Variants in EBF3 observed in about 807,000 individuals in gnomAD.
EBF3 encodes the protein EBF transcription factor 3.
A neutral mutation model predicts 77.1 loss-of-function variants in EBF3; 18 were observed. That is an observed-to-expected ratio of 0.23 (90% CI 0.16 to 0.35). EBF3 has a LOEUF of 0.35. Ranked by LOEUF, EBF3 falls within the 10% of genes least tolerant of loss-of-function variation. The pLI is 1.00. For missense variants in EBF3, 558 were observed against 860.0 expected (o/e 0.65, Z 4.39); for synonymous variants, 350 against 343.5 (o/e 1.02, Z -0.21).
At chr10:129,902,529 T>C (rs1854864659) in intron 6 of EBF3, among the ~76,000 whole-genome samples, 1 of 152,036 alleles carries the variant, frequency 6.6e-6, no homozygotes, top group African/African-American at 2.4e-5. Flanking sequence ...TGGTTCACCA[T>C]AAAACCCAGC....
chr10:129,907,144 A>AGAACATGTAGAACAT (rs1481061410), intron 6 of EBF3, among the ~76,000 whole-genome samples: 1 of 152,226 alleles, frequency 6.6e-6, no homozygotes, highest in African/African-American at 2.4e-5. Flanking sequence ...GCTGACATGT[A>AGAACATGTAGAACAT]GAAGAACAAC....
intron 6 of EBF3, among the ~76,000 whole-genome samples, chr10:129,939,619 G>A (rs1857591633): frequency 6.6e-6 from 1 of 152,192 alleles, no homozygotes; most frequent in Non-Finnish European, 1.5e-5. Context: ...CAACGTCTGC[G>A]TCTCCTCCTA....
chr10:129,926,679 A>C (rs1469832262), intron 6 of EBF3, among the ~76,000 whole-genome samples: 1 of 152,152 alleles, frequency 6.6e-6, no homozygotes, highest in Non-Finnish European at 1.5e-5. Context: ...TACCCAAAAA[A>C]GGTGTGGAAT....
intron 6 of EBF3, among the ~76,000 whole-genome samples, chr10:129,915,553 T>C (rs1409390235): frequency 6.6e-6 from 1 of 151,328 alleles, no homozygotes; most frequent in African/African-American, 2.4e-5. Context: ...AGCCCATTCT[T>C]GCGGGGTGTG....
Position 129,963,681 on chromosome 10 carries a change from A to G in EBF3, c.88T>C (p.Trp30Arg). 1 of 1,519,956 alleles carries G rather than the reference A, an allele frequency of 6.6e-7. No individual in the cohort carries two copies. The highest frequency in any genetic ancestry group is 8.9e-7 in the Non-Finnish European group (1 of 1,127,254). The allele number at this position is 1,519,956 out of a possible 1,614,324, so 94.2% of individuals were successfully genotyped here. Reference sequence around the variant, plus strand: ...TCCACCACGCCCGCCGTGTGCATCCACGAGCGCACCGGGTTCATGCCGCTG... The same window carrying G: ...TCCACCACGCCCGCCGTGTGCATCCGCGAGCGCACCGGGTTCATGCCGCTG... ...LGSGMNPVRS[W>R]MHTAGVVDAN... Residue 30 changes from tryptophan (W) to arginine (R), a missense_variant, in exon 1 of 17, where the codon TGG (tryptophan) becomes CGG (arginine). Trp to Arg is a moderately radical substitution (Grantham distance 101). This residue lies in a region of EBF3 where 64 missense variants were observed against 54.5 expected (regional missense o/e 1.18). Transcript: ENST00000440978. The surrounding 1 kb of genome is among the most constrained non-coding windows in gnomAD (Gnocchi z 7.1).
intron 6 of EBF3, among the ~76,000 whole-genome samples, chr10:129,949,209 G>A (rs912287679): frequency 6.6e-6 from 1 of 152,240 alleles, no homozygotes; most frequent in Non-Finnish European, 1.5e-5. Context: ...GCTGAGGCAG[G>A]AGAATCACTT....
chr10:129,889,946 CTTTTTTTTTTTT>C (rs10665456), intron 6 of EBF3, among the ~76,000 whole-genome samples: 20 of 82,894 alleles, frequency 2.4e-4, no homozygotes, highest in Middle Eastern at 9.1e-3. Context: ...ATTGAAGTGC[CTTTTTTTTTTTT>C]TTTTTTTTTT....
chr10:129,963,583 C>CCGGGT lies in EBF3; in HGVS notation c.134+51_134+52insACCCG. ...GCGCGGCGCCGGCCGGCGGAGGGGGCCGGGCCGGGCCGGGGCCGGGGCCAG... is the reference window on the plus strand; with the variant it reads ...GCGCGGCGCCGGCCGGCGGAGGGGGCCGGGTCGGGCCGGGCCGGGGCCGGGGCCAG... On this transcript the variant is annotated intron_variant, in intron 1 of 16. Coordinates refer to ENST00000440978, the MANE Select transcript of EBF3 (RefSeq NM_001375380.1). The surrounding 1 kb of genome is among the most constrained non-coding windows in gnomAD (Gnocchi z 7.1). The CCGGGT allele has an allele frequency of 8.1e-7, 1 of 1,231,646 alleles. No individual in the cohort carries two copies. The highest frequency in any genetic ancestry group is 1.0e-6 in the Non-Finnish European group (1 of 980,262). The allele number at this position is 1,231,646 out of a possible 1,614,324, so 76.3% of individuals were successfully genotyped here.
At chr10:129,921,383 G>A (rs1856295950) in intron 6 of EBF3, among the ~76,000 whole-genome samples, 1 of 152,120 alleles carries the variant, frequency 6.6e-6, no homozygotes, top group South Asian at 2.1e-4. Flanking sequence ...TCTGGATGTT[G>A]TCAGATGTCA....
At chr10:129,919,420 T>C (rs150651714) in intron 6 of EBF3, among the ~76,000 whole-genome samples, 1 of 152,150 alleles carries the variant, frequency 6.6e-6, no homozygotes, top group African/African-American at 2.4e-5. Context: ...AGGCCAGAGA[T>C]AGCGAGCTTC....
At chr10:129,904,874 A>C (rs1303798901) in intron 6 of EBF3, among the ~76,000 whole-genome samples, 1 of 152,244 alleles carries the variant, frequency 6.6e-6, no homozygotes, top group Non-Finnish European at 1.5e-5. Flanking sequence ...GCAACTCCTT[A>C]AATAGCTCCC....
At chr10:129,941,920 C>G (rs1857773358) in intron 6 of EBF3, among the ~76,000 whole-genome samples, 1 of 152,244 alleles carries the variant, frequency 6.6e-6, no homozygotes, top group Admixed American at 6.5e-5. Context: ...TCCAGACCCA[C>G]AAGGGATGAC....
At chr10:129,898,482 C>T (rs1295412819) in intron 6 of EBF3, among the ~76,000 whole-genome samples, 8 of 152,170 alleles carry the variant, frequency 5.3e-5, no homozygotes, top group Admixed American at 2.0e-4. Context: ...AACCTGAATT[C>T]CTCTCCTTGT....
intron 6 of EBF3, among the ~76,000 whole-genome samples, chr10:129,955,261 G>C (rs1858954026): frequency 6.6e-6 from 1 of 152,148 alleles, no homozygotes; most frequent in Non-Finnish European, 1.5e-5. Context: ...AAAATAGACG[G>C]TGATTAAAAT....
Position 129,867,763 on chromosome 10 carries a change from A to C in EBF3, c.912+19T>G. On this transcript the variant is annotated intron_variant, in intron 9 of 16. Coordinates refer to ENST00000440978, the MANE Select transcript of EBF3 (RefSeq NM_001375380.1). ...TGAAGACAGCAACAGCGCGAAGCTG[A>C]CCGAGTCCGCGGGCTTACCTCGCTC... 1 of 1,597,372 alleles carries C rather than the reference A, an allele frequency of 6.3e-7. No individual in the cohort carries two copies. The highest frequency in any genetic ancestry group is 8.5e-7 in the Non-Finnish European group (1 of 1,171,794).
chr10:129,957,604 C>T (rs927014447), intron 5 of EBF3, among the ~76,000 whole-genome samples: 6 of 152,078 alleles, frequency 3.9e-5, no homozygotes, highest in Admixed American at 3.9e-4. Context: ...AACATGTTGT[C>T]GGTGTTTGTC....
At chr10:129,865,794 G>T (rs1327398547) in intron 10 of EBF3, among the ~76,000 whole-genome samples, 1 of 152,228 alleles carries the variant, frequency 6.6e-6, no homozygotes, top group Non-Finnish European at 1.5e-5. Context: ...AAAGCAGAGG[G>T]GGCTTAGCAT....
intron 10 of EBF3, among the ~76,000 whole-genome samples, chr10:129,858,721 T>C (rs1009884171): frequency 1.3e-5 from 2 of 152,164 alleles, no homozygotes; most frequent in African/African-American, 4.8e-5. Flanking sequence ...CTGGATTTCC[T>C]GACTTTAGGC....
intron 6 of EBF3, among the ~76,000 whole-genome samples, chr10:129,888,918 G>A (rs781332989): frequency 6.6e-6 from 1 of 152,214 alleles, no homozygotes; most frequent in Non-Finnish European, 1.5e-5. Context: ...CCCAGTGTGG[G>A]CAGAGGGAGC....
Sources: allele counts gnomAD v4.1 joint callset (sites outside exome capture counted in the v4.1 genomes callset), GRCh38; gene constraint gnomAD v4.1.1; regional missense constraint gnomAD v4.1.1; non-coding constraint Gnocchi (gnomAD v3.1); transcripts MANE v1.5; gene names NCBI Gene and HGNC (gene_info 2026-07-23, HGNC 2026-07-21).